The following NAA60 variants were observed in gnomAD, a reference collection of about 807,000 sequenced individuals.
NAA60 encodes N-alpha-acetyltransferase 60.
A neutral mutation model predicts 26.1 loss-of-function variants in NAA60; 8 were observed. The ratio of observed to expected loss-of-function variants is 0.31; its 90% confidence interval spans 0.18 to 0.55. The LOEUF (loss-of-function observed/expected upper bound fraction) is 0.55. Ranked by LOEUF, NAA60 falls within the 20% of genes least tolerant of loss-of-function variation. NAA60 has a pLI of 0.93. For missense variants in NAA60, 290 were observed against 311.3 expected, an observed-to-expected ratio of 0.93 and a Z score of 0.51; for synonymous variants, 131 against 122.5, an observed-to-expected ratio of 1.07 and a Z score of -0.46.
In NAA60 at chr16:3,485,057, G is replaced by C. The variant is rs1449614403; in HGVS notation, c.*202G>C. The C allele has an allele frequency of 6.8e-7, 1 of 1,475,734 alleles. No homozygotes were observed. Among genetic ancestry groups the C allele is most frequent in the Admixed American group, 2.0e-5 (1 of 50,068 alleles). 91.4% of individuals were successfully genotyped at this position (1,475,734 alleles called of 1,614,324 possible). A position where few individuals can be genotyped will look rare whatever the true frequency, so the allele number is the denominator to read the frequency against. On this transcript the variant is annotated 3_prime_UTR_variant, in exon 7 of 8. Transcript: ENST00000407558. ...GCATGCGCAGAGCATGCCCATCCGTGGCAGGTACGCCACAGCAGACACAAA... is the reference window on the plus strand; with the variant it reads ...GCATGCGCAGAGCATGCCCATCCGTCGCAGGTACGCCACAGCAGACACAAA...
intron 2 of NAA60, among the ~76,000 whole-genome samples, chr16:3,454,702 C>T (rs945859023): frequency 6.6e-6 from 1 of 152,202 alleles, no homozygotes; most frequent in Admixed American, 6.5e-5. Flanking sequence ...CGATGGTGAT[C>T]AACCCATTCC....
Position 3,479,593 on chromosome 16 carries a change from A to G in NAA60, c.233A>G (p.His78Arg). The G allele has an allele frequency of 1.9e-6, 3 of 1,614,020 alleles. No individual in the cohort carries two copies. The highest frequency in any genetic ancestry group is 2.5e-6 in the Non-Finnish European group (3 of 1,179,870). Reference sequence around the variant, plus strand: ...GAAATTAAGAACAGGACCAAAATACATAAAGAGGTACGTACGTGTGTGCAG... The same window carrying G: ...GAAATTAAGAACAGGACCAAAATACGTAAAGAGGTACGTACGTGTGTGCAG... ...VAEIKNRTKIHKEDGDILASN... is the reference protein window; with the variant it reads ...VAEIKNRTKIRKEDGDILASN... Residue 78 changes from histidine to arginine, a missense_variant, in exon 4 of 8, where the codon CAT becomes CGT. Transcript: ENST00000407558.
rs191342496 is a variant in NAA60, at chr16:3,455,637, C to T, written c.-7+7097C>T. On this transcript the variant is annotated intron_variant, in intron 2 of 7. Transcript: ENST00000407558. ...CTCTTGATCTCCTGACCTCGTGATC[C>T]GCCTGCCTTGGCCTCCCAAAGTGCT... is the stretch of plus-strand genomic sequence containing the variant. Among the ~76,000 whole-genome samples, 8 of 152,148 alleles carry T rather than the reference C, an allele frequency of 5.3e-5. No individual in the cohort carries two copies. In the East Asian group the frequency reaches 1.2e-3, roughly 22 times the overall value.
chr16:3,472,770 C>T (rs919925935), intron 2 of NAA60, among the ~76,000 whole-genome samples: 35 of 152,164 alleles, frequency 2.3e-4, no homozygotes, highest in African/African-American at 8.4e-4. Context: ...CAAACATCCA[C>T]GTGGCATACC....
At chr16:3,444,982 A>G (rs748285084) in intron 1 of NAA60, among the ~76,000 whole-genome samples, 5 of 152,224 alleles carry the variant, frequency 3.3e-5, no homozygotes, top group Non-Finnish European at 5.9e-5. Flanking sequence ...AATAAGTTAG[A>G]TAAGAAACTA....
chr16:3,472,708 C>T (rs55890305), intron 2 of NAA60, among the ~76,000 whole-genome samples: 7,156 of 152,280 alleles, frequency 0.047, 550 homozygotes, highest in African/African-American at 0.16. Context: ...GCTGGGATTA[C>T]AGGCATGAGC....
At chr16:3,478,660 T>C (rs1361318941) in intron 3 of NAA60, among the ~76,000 whole-genome samples, 1 of 152,138 alleles carries the variant, frequency 6.6e-6, no homozygotes, top group East Asian at 1.9e-4. Flanking sequence ...GAGCAGCCGT[T>C]AGCAGCCTCA....
At chr16:3,471,978 G>A (rs1039080435) in intron 2 of NAA60, among the ~76,000 whole-genome samples, 2 of 152,174 alleles carry the variant, frequency 1.3e-5, no homozygotes, top group Admixed American at 1.3e-4. Flanking sequence ...TCAAAGTGTG[G>A]GTAAGTGGTT....
chr16:3,450,006 T>G (rs2034711521), intron 2 of NAA60: 1 of 396,106 alleles, frequency 2.5e-6, no homozygotes, highest in African/African-American at 2.1e-5. Flanking sequence ...ATCAGCAGTG[T>G]GAAAACAGAC....
chr16:3,462,408 C>G (rs746031250), intron 2 of NAA60, among the ~76,000 whole-genome samples: 1 of 152,110 alleles, frequency 6.6e-6, no homozygotes, highest in Non-Finnish European at 1.5e-5. Flanking sequence ...ATTCTTATTT[C>G]TTTCTAGAAG....
At chr16:3,445,293 T>TTTG (rs2034505110) in intron 1 of NAA60, among the ~76,000 whole-genome samples, 1 of 151,256 alleles carries the variant, frequency 6.6e-6, no homozygotes, top group Non-Finnish European at 1.5e-5. Flanking sequence ...TTTTTTTTTT[T>TTTG]TGAGACAGTC....
intron 2 of NAA60, among the ~76,000 whole-genome samples, chr16:3,455,229 T>G (rs2034930690): frequency 6.6e-6 from 1 of 151,810 alleles, no homozygotes; most frequent in Non-Finnish European, 1.5e-5. Flanking sequence ...TTTTTTTTTG[T>G]TGTTGTATTT....
chr16:3,463,001 A>C (rs1181293050), intron 2 of NAA60, among the ~76,000 whole-genome samples: 2 of 152,176 alleles, frequency 1.3e-5, no homozygotes, highest in Non-Finnish European at 2.9e-5. Flanking sequence ...TTATGTAGGA[A>C]TACAGGCTGC....
chr16:3,447,604 A>T (rs935260290), intron 1 of NAA60: 1 of 985,300 alleles, frequency 1.0e-6, no homozygotes, highest in African/African-American at 1.7e-5. Flanking sequence ...CTTCTCACCT[A>T]CACTAAGGGG....
chr16:3,451,786 T>G (rs1255923106), intron 2 of NAA60, among the ~76,000 whole-genome samples: 3 of 151,122 alleles, frequency 2.0e-5, no homozygotes, highest in Non-Finnish European at 4.4e-5. Flanking sequence ...GGCTTGGTGG[T>G]AGGCGCCTGT....
At chr16:3,450,248 C>T (rs1360577457) in intron 2 of NAA60, 2 of 320,940 alleles carry the variant, frequency 6.2e-6, no homozygotes, top group Non-Finnish European at 1.1e-5. Context: ...GGTCTGGAGG[C>T]CTCTCAGGCA....
chr16:3,472,842 TA>T (rs537785292), intron 2 of NAA60, among the ~76,000 whole-genome samples: 54 of 152,378 alleles, frequency 3.5e-4, no homozygotes, highest in African/African-American at 1.2e-3. Context: ...TAAATTAAAC[TA>T]AATTCTGGAA....
intron 2 of NAA60, among the ~76,000 whole-genome samples, chr16:3,468,984 G>C (rs562044092): frequency 6.6e-6 from 1 of 151,960 alleles, no homozygotes; most frequent in Admixed American, 6.6e-5. Flanking sequence ...TACTTAGGAG[G>C]CTGCGGCGTG....
intron 6 of NAA60, among the ~76,000 whole-genome samples, chr16:3,483,969 G>C (rs907009832): frequency 1.3e-5 from 2 of 152,182 alleles, no homozygotes; most frequent in Non-Finnish European, 2.9e-5. Flanking sequence ...CCCAGAGCCT[G>C]TGCTAGCAGA....
Sources: gnomAD v4.1 joint callset for allele counts (sites outside exome capture counted in the v4.1 genomes callset) on GRCh38, gnomAD v4.1.1 for gene constraint, MANE v1.5 for transcripts, NCBI Gene and HGNC (gene_info 2026-07-23, HGNC 2026-07-21) for gene names.